Variants in DLGAP2 observed in about 807,000 individuals in gnomAD.
DLGAP2 encodes disks large-associated protein 2.
A neutral mutation model predicts 100.3 loss-of-function variants in DLGAP2; 26 were observed. The ratio of observed to expected loss-of-function variants is 0.26; its 90% CI spans 0.19 to 0.36. DLGAP2 has a LOEUF of 0.36. Ranked by LOEUF, DLGAP2 falls within the 10% of genes least tolerant of loss-of-function variation. The pLI is 1.00. For synonymous variants in DLGAP2, 886 were observed against 630.1 expected (o/e 1.41, Z -6.08); for missense variants, 1,858 against 1,453.2 (o/e 1.28, Z -4.53).
intron 3 of DLGAP2, among the ~76,000 whole-genome samples, chr8:1,317,908 T>C (rs1438712215): frequency 9.4e-6 from 1 of 106,354 alleles, no homozygotes; most frequent in Admixed American, 9.7e-5. Flanking sequence ...CCAACAGTGG[T>C]CTACACTCGA....
chr8:1,023,668 C>T (rs905194448), intron 2 of DLGAP2, among the ~76,000 whole-genome samples: 1 of 151,758 alleles, frequency 6.6e-6, no homozygotes, highest in African/African-American at 2.4e-5. Flanking sequence ...ATATCATTAG[C>T]GGCTCTTGTT....
At chr8:1,304,229 C>A (rs750348413) in intron 3 of DLGAP2, among the ~76,000 whole-genome samples, 1 of 152,196 alleles carries the variant, frequency 6.6e-6, no homozygotes, top group African/African-American at 2.4e-5. Flanking sequence ...TGGACTCTTC[C>A]TGTAGGAGCC....
At chr8:1,040,469 T>G (rs1423390941) in intron 2 of DLGAP2, among the ~76,000 whole-genome samples, 7 of 149,386 alleles carry the variant, frequency 4.7e-5, no homozygotes, top group African/African-American at 1.7e-4. Flanking sequence ...CGTCTCGGTG[T>G]GCATGGTCGG....
rs1450691803 is a variant in DLGAP2, at chr8:1,701,590, G to A, written c.*184G>A. On this transcript the variant is annotated 3_prime_UTR_variant, in exon 15 of 15. Coordinates refer to ENST00000637795, the MANE Select transcript of DLGAP2 (RefSeq NM_001346810.2). ...CAGAGTCCACGGAGCTCGCGGCGAG[G>A]ACGACTTCTGCTTTTGTTGTTGTTG... The A allele has an allele frequency of 7.8e-6, 5 of 641,620 alleles. No individual in the cohort carries two copies. Among genetic ancestry groups the A allele is most frequent in the Non-Finnish European group, 1.3e-5 (5 of 381,824 alleles). 39.7% of individuals were successfully genotyped at this position (641,620 alleles called of 1,614,324 possible). A position where few individuals can be genotyped will look rare whatever the true frequency, so the allele number is the denominator to read the frequency against.
At chr8:1,310,235 T>C (rs2117013654) in intron 3 of DLGAP2, among the ~76,000 whole-genome samples, 1 of 151,808 alleles carries the variant, frequency 6.6e-6, no homozygotes, top group South Asian at 2.1e-4. Flanking sequence ...TCCAAAAAAA[T>C]CCACAAAAAA....
intron 4 of DLGAP2, among the ~76,000 whole-genome samples, chr8:1,541,929 G>C (rs978594100): frequency 2.0e-5 from 3 of 152,148 alleles, no homozygotes; most frequent in Non-Finnish European, 4.4e-5. Context: ...GAGAATGAAG[G>C]CAAAGAAAAG....
intron 8 of DLGAP2, among the ~76,000 whole-genome samples, chr8:1,662,653 C>A (rs73672910): frequency 0.1 from 15,945 of 152,254 alleles, 1,011 homozygotes; most frequent in Middle Eastern, 0.22. Flanking sequence ...ATTCAGACTT[C>A]CACCTTCTCT....
At chr8:1,190,214 A>G (rs1379405856) in intron 2 of DLGAP2, among the ~76,000 whole-genome samples, 1 of 152,204 alleles carries the variant, frequency 6.6e-6, no homozygotes, top group Non-Finnish European at 1.5e-5. Context: ...GACCTCTTCC[A>G]GATTCTGGTG....
chr8:1,225,416 G>A (rs879603888), intron 2 of DLGAP2, among the ~76,000 whole-genome samples: 11 of 152,150 alleles, frequency 7.2e-5, no homozygotes, highest in Non-Finnish European at 1.2e-4. Flanking sequence ...AATTGCCAGC[G>A]GCAGAACAGA....
At chr8:1,272,251 A>C (rs1936375384) in intron 3 of DLGAP2, among the ~76,000 whole-genome samples, 1 of 152,222 alleles carries the variant, frequency 6.6e-6, no homozygotes, top group Non-Finnish European at 1.5e-5. Context: ...GTATTTCTGC[A>C]GTTAGAGATG....
intron 4 of DLGAP2, among the ~76,000 whole-genome samples, chr8:1,526,673 C>G (rs932285289): frequency 6.6e-6 from 1 of 152,196 alleles, no homozygotes; most frequent in Admixed American, 6.5e-5. Context: ...ATTGGGTTGA[C>G]TTTAAGTCCT....
intron 4 of DLGAP2, 21 bp from the exon 5 acceptor site, chr8:1,548,605 G>T: frequency 6.8e-7 from 1 of 1,472,478 alleles, no homozygotes; most frequent in Non-Finnish European, 9.0e-7. Context: ...GGTGTTCAAT[G>T]CCGTTTCTGT....
intron 3 of DLGAP2, among the ~76,000 whole-genome samples, chr8:1,410,224 C>T (rs903417406): frequency 2.0e-5 from 3 of 152,144 alleles, no homozygotes; most frequent in Non-Finnish European, 4.4e-5. Flanking sequence ...GTTGGAATCT[C>T]ACTGGCTTCA....
intron 3 of DLGAP2, among the ~76,000 whole-genome samples, chr8:1,418,591 G>A (rs972896032): frequency 8.5e-5 from 13 of 152,064 alleles, no homozygotes; most frequent in Non-Finnish European, 1.8e-4. Flanking sequence ...CCACTCCGAC[G>A]CCAAATAAAA....
rs10583520 is a variant in DLGAP2 at position 1,683,856 on chromosome 8, ATGTGTGTGTGTG to A, written c.2704+5257_2704+5268del. Among the ~76,000 whole-genome samples, 79 of 62,210 alleles carry A rather than the reference ATGTGTGTGTGTG, an allele frequency of 1.3e-3. 2 individuals are homozygous for A. Among genetic ancestry groups the A allele is most frequent in the East Asian group, 4.1e-3 (7 of 1,704 alleles). 40.8% of individuals were successfully genotyped at this position (62,210 alleles called of 152,430 possible). ...CCACTATATATATATATATATATAT[ATGTGTGTGTGTG>A]TGTGTGTGTGTGTGTGTGTGTGTGT... On this transcript the variant is annotated intron_variant, in intron 12 of 14. Coordinates refer to ENST00000637795, the MANE Select transcript of DLGAP2 (RefSeq NM_001346810.2).
At chr8:1,314,711 C>T (rs1204551737) in intron 3 of DLGAP2, among the ~76,000 whole-genome samples, 4 of 152,232 alleles carry the variant, frequency 2.6e-5, no homozygotes, top group Non-Finnish European at 2.9e-5. Flanking sequence ...CCCCTATCCG[C>T]CTCCTGCTCC....
intron 3 of DLGAP2, among the ~76,000 whole-genome samples, chr8:1,498,821 C>T (rs1291940268): frequency 1.3e-5 from 2 of 152,178 alleles, no homozygotes; most frequent in Non-Finnish European, 2.9e-5. Context: ...AAAATGTAGG[C>T]TGAAAATACA....
At chr8:1,083,369 T>C (rs1441004237) in intron 2 of DLGAP2, among the ~76,000 whole-genome samples, 1 of 152,084 alleles carries the variant, frequency 6.6e-6, no homozygotes, top group Non-Finnish European at 1.5e-5. Flanking sequence ...GGGAGAAGAG[T>C]AGCCATTCTC....
Position 1,587,269 on chromosome 8 carries a change from A to T in DLGAP2, c.1442+21375A>T, listed in dbSNP as rs142000807. On this transcript the variant is annotated intron_variant, in intron 6 of 14. Transcript: ENST00000637795. ...TAACTTTCTTAGGAGATTTTTATAG[A>T]TTTGCTTCTCAGGAAAAATAACTTT... is the stretch of plus-strand genomic sequence containing the variant. 3.3e-5 allele frequency among the ~76,000 whole-genome samples: 5 copies of T among 152,266 alleles called. No homozygotes were observed. In the East Asian group the frequency reaches 5.8e-4, roughly 18 times the overall value.
Sources: gnomAD v4.1 joint callset for allele counts (sites outside exome capture counted in the v4.1 genomes callset) on GRCh38, gnomAD v4.1.1 for gene constraint, MANE v1.5 for transcripts, NCBI Gene and HGNC (gene_info 2026-07-23, HGNC 2026-07-21) for gene names.